Variants in ALG8 observed in about 807,000 individuals in gnomAD.
ALG8 encodes the protein dolichyl pyrophosphate Glc1Man9GlcNAc2 alpha-1,3-glucosyltransferase.
ALG8 carries 48 observed loss-of-function variants against 70.2 expected under a neutral mutation model. The observed-to-expected ratio is 0.68, with a 90% CI of 0.54 to 0.87. The LOEUF (loss-of-function observed/expected upper bound fraction) is 0.87. ALG8 is among the 40% of genes least tolerant of loss of function. The pLI is 0.00. For synonymous variants in ALG8, 234 were observed against 229.0 expected, an observed-to-expected ratio of 1.02 and a Z score of -0.20; for missense variants, 572 against 608.7, an observed-to-expected ratio of 0.94 and a Z score of 0.64.
At position 78,107,198 on chromosome 11, in the gene ALG8, AATAT is replaced by A. The variant is rs57228944; in HGVS notation, c.1039-256_1039-253del. The stretch of plus-strand genomic sequence containing the variant: ...TGTAAATAAATATATTTTATATGTA[AATAT>A]ATATATATATATATATATATAATTT... On this transcript the variant is annotated intron_variant, in intron 9 of 12. Transcript: ENST00000299626. Among the ~76,000 whole-genome samples the A allele has an allele frequency of 0.43, 61,292 of 143,668 alleles. 13,088 individuals are homozygous for A. Among genetic ancestry groups the A allele is most frequent in the Non-Finnish European group, 0.45 (29,873 of 66,000 alleles). The allele number at this position is 143,668 out of a possible 152,430, so 94.3% of individuals were successfully genotyped here.
rs1555073941 is a variant in ALG8 at position 78,130,361 on chromosome 11, A to AAGAAAAGAAAAGAAAG, written c.96-2926_96-2925insCTTTCTTTTCTTTTCT. On this transcript the variant is annotated intron_variant, in intron 1 of 12. Transcript: ENST00000299626. ...AAGACCCGGTCTCAAAAAAAAAAAA[A>AAGAAAAGAAAAGAAAG]AAAAAAGGTGAGAATATCAATACCT... Among the ~76,000 whole-genome samples the AAGAAAAGAAAAGAAAG allele has an allele frequency of 2.3e-5, 3 of 132,636 alleles. 1 individual carries two copies. The highest frequency in any genetic ancestry group is 6.3e-5 in the African/African-American group (2 of 31,626). 87.0% of individuals were successfully genotyped at this position (132,636 alleles called of 152,430 possible).
chr11:78,135,712 A>C (rs995472866), intron 1 of ALG8, among the ~76,000 whole-genome samples: 2 of 151,952 alleles, frequency 1.3e-5, no homozygotes, highest in Non-Finnish European at 2.9e-5. Context: ...GCAGGGCATG[A>C]TGGTGTGCAC....
At chr11:78,128,459 A>G (rs1861172959) in intron 1 of ALG8, among the ~76,000 whole-genome samples, 1 of 152,094 alleles carries the variant, frequency 6.6e-6, no homozygotes, top group Admixed American at 6.5e-5. Flanking sequence ...TTTCTCAGTC[A>G]TGGCTTTCCC....
chr11:78,114,819 A>C, intron 5 of ALG8: 1 of 355,822 alleles, frequency 2.8e-6, no homozygotes, highest in Non-Finnish European at 5.5e-6. Flanking sequence ...ATAAAAAATA[A>C]AAAAAATTAG....
chr11:78,121,526 C>A (rs113998806), intron 3 of ALG8, among the ~76,000 whole-genome samples: 358 of 147,534 alleles, frequency 2.4e-3, no homozygotes, highest in African/African-American at 8.7e-3. Flanking sequence ...TGAGGCCAGC[C>A]TGGGCGACAT....
chr11:78,133,057 G>A (rs549050133), intron 1 of ALG8, among the ~76,000 whole-genome samples: 123 of 152,024 alleles, frequency 8.1e-4, no homozygotes, highest in African/African-American at 2.9e-3. Flanking sequence ...GGATGGTCTC[G>A]ATCTCCTGAC....
At chr11:78,119,918 A>G (rs888084146) in intron 4 of ALG8, among the ~76,000 whole-genome samples, 3 of 152,020 alleles carry the variant, frequency 2.0e-5, no homozygotes, top group African/African-American at 4.8e-5. Context: ...CCTGGTTAAC[A>G]TGGCAAACCC....
intron 5 of ALG8, among the ~76,000 whole-genome samples, chr11:78,115,960 A>G (rs1172363257): frequency 6.6e-6 from 1 of 152,220 alleles, no homozygotes; most frequent in Admixed American, 6.5e-5. Context: ...ATTGAATTTT[A>G]TATTGTAGAT....
chr11:78,116,428 G>T (rs640737), intron 5 of ALG8, among the ~76,000 whole-genome samples: 6,404 of 152,018 alleles, frequency 0.042, 164 homozygotes, highest in Middle Eastern at 0.088. Context: ...AGAAGTTATA[G>T]TAAGAATTTG....
At chr11:78,133,441 A>C (rs913598249) in intron 1 of ALG8, 1 of 152,144 alleles carries the variant, frequency 6.6e-6, no homozygotes, top group African/African-American at 2.4e-5. Flanking sequence ...GTGTTTCATA[A>C]ATTTGCATGC....
chr11:78,134,205 T>C (rs534809069), intron 1 of ALG8, among the ~76,000 whole-genome samples: 2 of 152,028 alleles, frequency 1.3e-5, no homozygotes, highest in East Asian at 1.9e-4. Flanking sequence ...TGGTGTGATC[T>C]TGGCTCACTA....
intron 8 of ALG8, among the ~76,000 whole-genome samples, chr11:78,111,218 C>T (rs1860273131): frequency 6.6e-6 from 1 of 152,156 alleles, no homozygotes; most frequent in South Asian, 2.1e-4. Context: ...CTTTTAGCCC[C>T]CTGAGGTACA....
intron 5 of ALG8, among the ~76,000 whole-genome samples, chr11:78,115,454 T>TC (rs113822648): frequency 0.22 from 33,064 of 151,662 alleles, 4,430 homozygotes; most frequent in African/African-American, 0.38. Context: ...CACGGTCTCG[T>TC]TTACTGCAAC....
chr11:78,130,807 CCT>C (rs1287211044), intron 1 of ALG8, among the ~76,000 whole-genome samples: 13 of 151,962 alleles, frequency 8.6e-5, no homozygotes, highest in African/African-American at 2.4e-4. Context: ...AATCTCCTCC[CCT>C]GTGTTTTTTT....
chr11:78,121,752 G>A (rs1860835536), intron 3 of ALG8, among the ~76,000 whole-genome samples: 2 of 152,046 alleles, frequency 1.3e-5, no homozygotes, highest in South Asian at 4.1e-4. Context: ...AGTAAAAACT[G>A]CAGACCAGGC....
intron 2 of ALG8, among the ~76,000 whole-genome samples, chr11:78,126,767 T>C (rs1451129744): frequency 1.3e-5 from 2 of 152,124 alleles, no homozygotes; most frequent in South Asian, 4.1e-4. Flanking sequence ...CTTTTCTCTA[T>C]GTAACTAGAT....
intron 12 of ALG8, among the ~76,000 whole-genome samples, chr11:78,102,367 T>C (rs533874898): frequency 6.6e-5 from 10 of 152,364 alleles, no homozygotes; most frequent in African/African-American, 2.2e-4. Flanking sequence ...TCAAGATTCA[T>C]TCATGTAGCA....
intron 1 of ALG8, among the ~76,000 whole-genome samples, chr11:78,130,618 T>C (rs915596346): frequency 1.2e-4 from 19 of 152,170 alleles, no homozygotes; most frequent in Admixed American, 2.6e-4. Flanking sequence ...GTATAAAATG[T>C]TGATGTTGGT....
chr11:78,124,162 T>G lies in ALG8; in HGVS notation c.227A>C (p.Tyr76Ser). The G allele has an allele frequency of 6.2e-7, 1 of 1,614,156 alleles. No homozygotes were observed. The highest frequency in any genetic ancestry group is 8.5e-7 in the Non-Finnish European group (1 of 1,180,020). The change falls in exon 3 of 13, where the codon TAT (tyrosine) becomes TCT (serine). Residue 76 changes from tyrosine to serine, a missense_variant. By Grantham distance (144) the Tyr-to-Ser change is moderately radical (BLOSUM62 -2). Coordinates refer to ENST00000299626, the MANE Select transcript of ALG8 (RefSeq NM_024079.5). ...ATATTTGGCAACATGTGACAGGATA[T>G]ACTCAAACCATGCAAAGAAAGGGGG... is the stretch of plus-strand genomic sequence containing the variant. Reference protein sequence around the residue: ...DYPPFFAWFEYILSHVAKYFD... With the variant: ...DYPPFFAWFESILSHVAKYFD...
Sources: gnomAD v4.1 joint callset for allele counts (sites outside exome capture counted in the v4.1 genomes callset) on GRCh38, gnomAD v4.1.1 for gene constraint, MANE v1.5 for transcripts, NCBI Gene and HGNC (gene_info 2026-07-23, HGNC 2026-07-21) for gene names.